Variants in GALNT12 observed in about 807,000 individuals in gnomAD.
GALNT12 encodes the protein UDP-GalNAc:polypeptide N-acetylgalactosaminyltransferase 12.
GALNT12 carries 45 observed loss-of-function variants against 55.5 expected under a neutral mutation model. The observed-to-expected ratio is 0.81, with a 90% CI of 0.64 to 1.04. The LOEUF is 1.04. Among genes scored for constraint, GALNT12 ranks in the 50% least tolerant of loss-of-function variants. GALNT12 has a pLI of 0.00. For missense variants in GALNT12, 709 were observed against 754.8 expected, an observed-to-expected ratio of 0.94 and a Z score of 0.71; for synonymous variants, 304 against 312.2, an observed-to-expected ratio of 0.97 and a Z score of 0.28.
At chr9:98,811,185 T>G (rs115299668) in intron 1 of GALNT12, among the ~76,000 whole-genome samples, 1,671 of 152,008 alleles carry the variant, frequency 0.011, 31 homozygotes, top group African/African-American at 0.039. Flanking sequence ...AGATTTAGGG[T>G]GAGTGTTTTG....
intron 8 of GALNT12, among the ~76,000 whole-genome samples, chr9:98,845,592 A>G (rs977567862): frequency 5.3e-5 from 8 of 152,130 alleles, no homozygotes; most frequent in African/African-American, 1.9e-4. Context: ...AGACTGAGGA[A>G]AAGGAGAGGA....
At chr9:98,822,567 T>C (rs1007256049) in intron 1 of GALNT12, among the ~76,000 whole-genome samples, 1 of 152,002 alleles carries the variant, frequency 6.6e-6, no homozygotes, top group Non-Finnish European at 1.5e-5. Flanking sequence ...TTGGGGGAGG[T>C]AACCAATGTC....
At position 98,846,085 on chromosome 9, in the gene GALNT12, G is replaced by T. The variant is rs1836407668; in HGVS notation, c.1567G>T (p.Glu523Ter). ...MDTLIMHLCE[E>*]TAPENQKFIL... is the part of the protein sequence containing the mutation. ...TACCCTTATCATGCATCTCTGCGAA[G>T]AAACTGCCCCAGAGAATCAGAAGTT... The change falls in exon 9 of 10, where the codon GAA becomes TAA. Residue 523 changes from glutamate (E) to a stop codon, truncating the protein, a stop_gained. Coordinates refer to ENST00000375011, the MANE Select transcript of GALNT12 (RefSeq NM_024642.5). LOFTEE classifies it low-confidence loss of function (END_TRUNC). 1 of 1,614,102 alleles carries T rather than the reference G, an allele frequency of 6.2e-7. No individual in the cohort carries two copies. Among genetic ancestry groups the T allele is most frequent in the Non-Finnish European group, 8.5e-7 (1 of 1,180,034 alleles).
chr9:98,807,958 AG>A lies in GALNT12; in HGVS notation c.263del (p.Gly88AlafsTer55). ...ARGEAVRLQL[Q>X]GEELRLQEES... ...GGCGAGGCGGTGCGGCTGCAGCTGC[AG>A]GGCGAGGAGCTGCGGCTGCAGGAGG... On this transcript the variant is annotated frameshift_variant, in exon 1 of 10. Transcript: ENST00000375011. LOFTEE classifies it high-confidence loss of function. 1 of 1,435,108 alleles carries A rather than the reference AG, an allele frequency of 7.0e-7. No individual in the cohort carries two copies. Among genetic ancestry groups the A allele is most frequent in the Non-Finnish European group, 9.2e-7 (1 of 1,087,244 alleles). 88.9% of individuals were successfully genotyped at this position (1,435,108 alleles called of 1,614,324 possible).
intron 3 of GALNT12, among the ~76,000 whole-genome samples, chr9:98,831,013 C>T (rs1168800222): frequency 6.6e-6 from 1 of 152,130 alleles, no homozygotes; most frequent in Non-Finnish European, 1.5e-5. Flanking sequence ...TCCATCTTTC[C>T]TGGTGTAGTG....
rs1290890814 is a variant in GALNT12 at position 98,844,224 on chromosome 9, C to T, written c.1458+15C>T. 1 of 1,433,766 alleles carries T rather than the reference C, an allele frequency of 7.0e-7. No homozygotes were observed. The highest frequency in any genetic ancestry group is 9.8e-7 in the Non-Finnish European group (1 of 1,015,460). 88.8% of individuals were successfully genotyped at this position (1,433,766 alleles called of 1,614,324 possible). A position where few individuals can be genotyped will look rare whatever the true frequency, so the allele number is the denominator to read the frequency against. On this transcript the variant is annotated intron_variant, in intron 8 of 9. Transcript: ENST00000375011. Reference sequence around the variant, plus strand: ...GCCAGAATCAGGTAGGTATGAGCCTCAAAAGAGGAGAAAGCTGTGTGTTTT... The same window carrying T: ...GCCAGAATCAGGTAGGTATGAGCCTTAAAAGAGGAGAAAGCTGTGTGTTTT...
At chr9:98,825,873 G>T (rs1835845193) in intron 2 of GALNT12, among the ~76,000 whole-genome samples, 1 of 151,968 alleles carries the variant, frequency 6.6e-6, no homozygotes, top group Non-Finnish European at 1.5e-5. Flanking sequence ...TACTTGGGAG[G>T]CTGAGGTGGG....
rs762155395 is a variant in GALNT12 at position 98,826,814 on chromosome 9, G to T, written c.604G>T (p.Ala202Ser). Reference sequence around the variant, plus strand: ...ACTGCCCAAGGTGCGCCTGATCCGCGCCAACAAGAGAGAGGGCCTGGTGCG... The same window carrying T: ...ACTGCCCAAGGTGCGCCTGATCCGCTCCAACAAGAGAGAGGGCCTGGTGCG... Reference protein sequence around the residue: ...SGLPKVRLIRANKREGLVRAR... With the variant: ...SGLPKVRLIRSNKREGLVRAR... The change falls in exon 3 of 10, where the codon GCC becomes TCC. Residue 202 changes from alanine to serine, a missense_variant. Physicochemically the swap from Ala to Ser is moderately conservative, Grantham distance 99. This residue lies in a region of GALNT12 where 315 missense variants were observed against 288.6 expected (regional missense o/e 1.09). Transcript: ENST00000375011. The T allele has an allele frequency of 6.2e-7, 1 of 1,611,810 alleles. No homozygotes were observed. Among genetic ancestry groups the T allele is most frequent in the Non-Finnish European group, 8.5e-7 (1 of 1,179,630 alleles).
Position 98,836,945 on chromosome 9 carries a change from C to T in GALNT12, c.1036-27C>T, listed in dbSNP as rs764577272. The T allele has an allele frequency of 2.7e-5, 44 of 1,613,454 alleles. No individual in the cohort carries two copies. In the Admixed American group the frequency reaches 6.8e-4, roughly 25 times the overall value. ...CCGCAGCTCATCCCCTGCTCACCAC[C>T]TGGCCTCTCCTTTTCTCTGTGTGCA... On this transcript the variant is annotated intron_variant, in intron 5 of 9. Transcript: ENST00000375011.
At chr9:98,834,532 G>A (rs1219094234) in intron 4 of GALNT12, among the ~76,000 whole-genome samples, 1 of 152,228 alleles carries the variant, frequency 6.6e-6, no homozygotes, top group African/African-American at 2.4e-5. Flanking sequence ...GTTAGTGCTG[G>A]CTTCCAGATA....
intron 2 of GALNT12, among the ~76,000 whole-genome samples, chr9:98,824,973 C>T (rs538152447): frequency 2.6e-5 from 4 of 152,190 alleles, no homozygotes; most frequent in Non-Finnish European, 4.4e-5. Context: ...CAACACCTAG[C>T]GACTAGACAA....
At chr9:98,842,765 A>T (rs1836321414) in intron 7 of GALNT12, among the ~76,000 whole-genome samples, 1 of 152,162 alleles carries the variant, frequency 6.6e-6, no homozygotes, top group African/African-American at 2.4e-5. Flanking sequence ...CAGAAATATA[A>T]TGAGAGCCAC....
chr9:98,815,809 C>G (rs1262327907), intron 1 of GALNT12, among the ~76,000 whole-genome samples: 2 of 152,198 alleles, frequency 1.3e-5, no homozygotes, highest in Non-Finnish European at 2.9e-5. Context: ...ATATTTCTTT[C>G]TATTGTTTAT....
intron 1 of GALNT12, among the ~76,000 whole-genome samples, chr9:98,808,929 A>G (rs1300604331): frequency 2.0e-5 from 3 of 152,208 alleles, no homozygotes; most frequent in Non-Finnish European, 4.4e-5. Context: ...TTTGAGGAAA[A>G]GAGGACTCAG....
In GALNT12 at chr9:98,823,374, C is replaced by G; in HGVS notation, c.490C>G (p.Pro164Ala). 6.2e-7 allele frequency: 1 copy of G among 1,614,168 alleles called. No individual in the cohort carries two copies. The highest frequency in any genetic ancestry group is 8.5e-7 in the Non-Finnish European group (1 of 1,179,988). Residue 164 changes from proline (P) to alanine (A), a missense_variant, in exon 2 of 10, where the codon CCG (proline) becomes GCG (alanine). Physicochemically the swap from Pro to Ala is conservative, Grantham distance 27. Around this residue, in one of 5 missense-constraint regions of GALNT12, gnomAD observed 315 missense variants for 288.6 expected, o/e 1.09. Coordinates refer to ENST00000375011, the MANE Select transcript of GALNT12 (RefSeq NM_024642.5). ...RTVYSVLETSPDILLEEVILV... is the reference protein window; with the variant it reads ...RTVYSVLETSADILLEEVILV... ...AGTTTACAGTGTCCTTGAGACATCC[C>G]CGGATATCCTGCTAGAAGAAGTGAT...
intron 8 of GALNT12, 115 bp from the exon 9 acceptor site, chr9:98,845,862 C>T (rs957445491): frequency 5.3e-5 from 57 of 1,080,078 alleles, no homozygotes; most frequent in Non-Finnish European, 7.1e-5. Context: ...TTGGTGGTGA[C>T]GCAGGTGCAT....
intron 3 of GALNT12, among the ~76,000 whole-genome samples, chr9:98,829,071 C>T (rs1464269162): frequency 6.6e-6 from 1 of 151,650 alleles, no homozygotes; most frequent in East Asian, 2.0e-4. Flanking sequence ...CTCAGTGATC[C>T]ACCCACCTCA....
chr9:98,848,898 T>C lies in GALNT12; in HGVS notation c.1606-54T>C, dbSNP rs552884699. ...CCCTGATCTCTTTAAAACATGTCTT[T>C]AGGAAAAAGAGACTTTTCTGATGAC... is the stretch of plus-strand genomic sequence containing the variant. On this transcript the variant is annotated intron_variant, in intron 9 of 9. Transcript: ENST00000375011. 129 of 1,608,706 alleles carry C rather than the reference T, an allele frequency of 8.0e-5. No individual in the cohort carries two copies. The African/African-American group carries it at 1.4e-3, about 18-fold the overall frequency.
At chr9:98,844,657 A>C (rs755083786) in intron 8 of GALNT12, 6 of 224,982 alleles carry the variant, frequency 2.7e-5, no homozygotes, top group Non-Finnish European at 5.3e-5. Context: ...ACAGATCTGC[A>C]TTTCAGATGA....
Sources: gnomAD v4.1 joint callset for allele counts (sites outside exome capture counted in the v4.1 genomes callset) on GRCh38, gnomAD v4.1.1 for gene constraint, gnomAD v4.1.1 regional missense constraint, MANE v1.5 for transcripts, NCBI Gene and HGNC (gene_info 2026-07-23, HGNC 2026-07-21) for gene names.